Variants in CCDC88A observed in about 807,000 individuals in gnomAD.
The protein encoded by CCDC88A is girdin.
In CCDC88A, 54 loss-of-function variants were observed where a neutral mutation model predicts 234.3. The ratio of observed to expected loss-of-function variants is 0.23; its 90% CI spans 0.19 to 0.29. The LOEUF (loss-of-function observed/expected upper bound fraction) is 0.29. Among genes scored for constraint, CCDC88A ranks in the 10% least tolerant of loss-of-function variants. The pLI is 1.00. For missense variants in CCDC88A, 1,832 were observed against 2,123.4 expected (o/e 0.86, Z 2.70); for synonymous variants, 753 against 737.8 (o/e 1.02, Z -0.33).
intron 3 of CCDC88A, among the ~76,000 whole-genome samples, chr2:55,379,371 T>C (rs1022607989): frequency 1.3e-5 from 2 of 152,178 alleles, no homozygotes; most frequent in Non-Finnish European, 2.9e-5. Context: ...TTAACTCAAA[T>C]TATAAGAAAC....
At chr2:55,355,812 C>A in intron 7 of CCDC88A, 61 bp from the exon 8 acceptor site, 1 of 1,313,270 alleles carries the variant, frequency 7.6e-7, no homozygotes, top group Non-Finnish European at 1.1e-6. Context: ...AACACATCAA[C>A]ATGATCCACT....
intron 3 of CCDC88A, among the ~76,000 whole-genome samples, chr2:55,379,225 T>A (rs1176684558): frequency 6.6e-6 from 1 of 152,132 alleles, no homozygotes; most frequent in Non-Finnish European, 1.5e-5. Context: ...AAGAAATTCA[T>A]CATTAAAGTA....
At chr2:55,320,997 C>G (rs563158815) in intron 18 of CCDC88A, 34 of 152,014 alleles carry the variant, frequency 2.2e-4, no homozygotes, top group African/African-American at 8.2e-4. Flanking sequence ...GTGCTCCCAG[C>G]TAGTTGGGAG....
chr2:55,393,532 G>A (rs968477549), intron 2 of CCDC88A, among the ~76,000 whole-genome samples: 5 of 152,040 alleles, frequency 3.3e-5, no homozygotes, highest in Admixed American at 2.0e-4. Flanking sequence ...GACCTCAAGT[G>A]ATCCACCTAC....
chr2:55,402,724 A>C (rs1678912116), intron 2 of CCDC88A, among the ~76,000 whole-genome samples: 2 of 151,708 alleles, frequency 1.3e-5, no homozygotes, highest in South Asian at 2.1e-4. Flanking sequence ...AAAAAAAAAA[A>C]ACCGGCCAGG....
chr2:55,398,205 G>C lies in CCDC88A; in HGVS notation c.165-9319C>G, dbSNP rs114824765. 2.8e-3 allele frequency among the ~76,000 whole-genome samples: 420 copies of C among 152,234 alleles called. 2 individuals are homozygous for C. The highest frequency in any genetic ancestry group is 0.01 in the African/African-American group (416 of 41,546). On this transcript the variant is annotated intron_variant, in intron 2 of 32. Transcript: ENST00000436346. Reference sequence around the variant, plus strand: ...TGAAGGGATTTCTATGCTCTGATTTGACTCTAGGAAAGCCAATAGAATAGC... The same window carrying C: ...TGAAGGGATTTCTATGCTCTGATTTCACTCTAGGAAAGCCAATAGAATAGC...
At chr2:55,356,527 T>C (rs552893839) in intron 7 of CCDC88A, 2 of 150,536 alleles carry the variant, frequency 1.3e-5, no homozygotes, top group East Asian at 1.9e-4. Flanking sequence ...AAAAGACCTG[T>C]TGACACAGAA....
intron 17 of CCDC88A, 93 bp from the exon 18 acceptor site, chr2:55,322,785 A>T (rs959010448): frequency 3.6e-6 from 2 of 557,972 alleles, no homozygotes; most frequent in African/African-American, 1.9e-5. Context: ...GATCTGGTGA[A>T]TACGAAAGGC....
At position 55,301,377 on chromosome 2, in the gene CCDC88A, T is replaced by G; in HGVS notation, c.4673-100A>C. On this transcript the variant is annotated intron_variant, in intron 27 of 32. Transcript: ENST00000436346. ...ATATGGAAATTGTTTTTCAATCATG[T>G]ATAATACAGATTGACTTAACATATT... 3 of 631,628 alleles carry G rather than the reference T, an allele frequency of 4.7e-6. No homozygotes were observed. In the South Asian group the frequency reaches 6.4e-5, roughly 14 times the overall value. The allele number at this position is 631,628 out of a possible 1,614,324, so 39.1% of individuals were successfully genotyped here. A position where few individuals can be genotyped will look rare whatever the true frequency, so the allele number is the denominator to read the frequency against.
At chr2:55,377,081 C>T (rs1040354832) in intron 3 of CCDC88A, among the ~76,000 whole-genome samples, 4 of 152,188 alleles carry the variant, frequency 2.6e-5, no homozygotes, top group Admixed American at 2.0e-4. Context: ...ATCCACCTGC[C>T]TCGGCCTCCC....
intron 3 of CCDC88A, among the ~76,000 whole-genome samples, chr2:55,381,581 TGACTATACA>T (rs1674617273): frequency 1.4e-5 from 2 of 141,978 alleles, no homozygotes; most frequent in Non-Finnish European, 3.0e-5. Flanking sequence ...AAAGTGCACA[TGACTATACA>T]GACTATACAT....
chr2:55,356,555 G>A (rs1390656234), intron 7 of CCDC88A: 1 of 152,022 alleles, frequency 6.6e-6, no homozygotes, highest in African/African-American at 2.4e-5. Context: ...AAACCCAAAA[G>A]TGATTTGGCC....
intron 2 of CCDC88A, among the ~76,000 whole-genome samples, chr2:55,393,289 G>GTTTTTTTTTTTTTTTTTTT (rs558827055): frequency 1.6e-5 from 1 of 61,658 alleles, no homozygotes; most frequent in Non-Finnish European, 2.7e-5. Context: ...GGTTTTTTGG[G>GTTTTTTTTTTTTTTTTTTT]TTTTTTTTTT....
At chr2:55,400,184 T>C (rs1486394567) in intron 2 of CCDC88A, among the ~76,000 whole-genome samples, 1 of 152,212 alleles carries the variant, frequency 6.6e-6, no homozygotes, top group African/African-American at 2.4e-5. Flanking sequence ...AAAGTTTTTA[T>C]CAGGCTCTTT....
chr2:55,408,703 A>G (rs1679995389), intron 2 of CCDC88A, among the ~76,000 whole-genome samples: 1 of 152,178 alleles, frequency 6.6e-6, no homozygotes, highest in Non-Finnish European at 1.5e-5. Context: ...AGCAGCCCTC[A>G]TGGCTGCTCT....
chr2:55,337,069 A>G (rs1483698404), intron 13 of CCDC88A: 8 of 302,584 alleles, frequency 2.6e-5, no homozygotes, highest in Non-Finnish European at 4.8e-5. Context: ...ACAAAGACAA[A>G]TCCAGCTCAA....
intron 30 of CCDC88A, 99 bp from the exon 31 acceptor site, chr2:55,296,155 TA>T (rs1396139299): frequency 7.7e-7 from 1 of 1,299,012 alleles, no homozygotes; most frequent in East Asian, 2.5e-5. Flanking sequence ...TGGTACCTCT[TA>T]ATACTCCTTA....
rs369578677 is a variant in CCDC88A, at chr2:55,295,587, T to C, written c.5551+10A>G. ...TATATGAGAGGACCACTGGTGTAAA[T>C]GGTACTCACTAGATGCTGCAGTGGT... On this transcript the variant is annotated intron_variant, in intron 31 of 32. Transcript: ENST00000436346. 9 of 1,613,998 alleles carry C rather than the reference T, an allele frequency of 5.6e-6. No individual in the cohort carries two copies. The highest frequency in any genetic ancestry group is 4.5e-5 in the East Asian group (2 of 44,896).
chr2:55,353,753 G>A (rs1027514983), intron 8 of CCDC88A, among the ~76,000 whole-genome samples: 4 of 150,454 alleles, frequency 2.7e-5, no homozygotes, highest in African/African-American at 9.8e-5. Flanking sequence ...ATCTTTACTT[G>A]TGGTTCACCA....
Sources: allele counts gnomAD v4.1 joint callset (sites outside exome capture counted in the v4.1 genomes callset), GRCh38; gene constraint gnomAD v4.1.1; transcripts MANE v1.5; gene names NCBI Gene and HGNC (gene_info 2026-07-23, HGNC 2026-07-21).